GRIPAP1: variants seen among roughly 807,000 people sequenced by gnomAD.
GRIPAP1 encodes the protein GRIP1 associated protein 1, also known as GRIP1-associated protein 1.
In GRIPAP1, 14 loss-of-function variants were observed where a neutral mutation model predicts 84.1. The ratio of observed to expected loss-of-function variants is 0.17; its 90% CI spans 0.11 to 0.26. GRIPAP1 has a LOEUF of 0.26. Ranked by LOEUF, GRIPAP1 falls within the 10% of genes least tolerant of loss-of-function variation. The pLI is 1.00. For missense variants in GRIPAP1, 518 were observed against 674.2 expected, an observed-to-expected ratio of 0.77 and a Z score of 2.57; for synonymous variants, 261 against 256.8, an observed-to-expected ratio of 1.02 and a Z score of -0.15.
In GRIPAP1 at chrX:48,983,773, A is replaced by G. The variant is rs782676872; in HGVS notation, c.1272+2T>C. ...CTCCCTTCAACCCTCATGTTCCCCTACCTTCCGAGCCTCCTGTAATTCCTG... is the reference window on the plus strand; with the variant it reads ...CTCCCTTCAACCCTCATGTTCCCCTGCCTTCCGAGCCTCCTGTAATTCCTG... On this transcript the variant is annotated splice_donor_variant, in intron 15 of 25. Transcript: ENST00000376423. LOFTEE classifies it high-confidence loss of function. 1.8e-6 allele frequency: 2 copies of G among 1,112,925 alleles called. No homozygotes were observed. Among genetic ancestry groups the G allele is most frequent in the African/African-American group, 3.7e-5 (2 of 54,072 alleles). 91.7% of individuals were successfully genotyped at this position (1,112,925 alleles called of 1,213,427 possible).
chrX:48,979,449 C>T (rs1557061445), intron 21 of GRIPAP1, among the ~76,000 whole-genome samples: 3 of 62,264 alleles, frequency 4.8e-5, no homozygotes, highest in African/African-American at 6.8e-5. Flanking sequence ...TGCACTCCAG[C>T]CTGGGCGACA....
chrX:48,980,225 TTGTGTGTGTGTGTGTGTGTG>T (rs781796368), intron 21 of GRIPAP1, among the ~76,000 whole-genome samples: 6 of 90,547 alleles, frequency 6.6e-5, no homozygotes, highest in Non-Finnish European at 8.7e-5. Context: ...GCAACTAAAG[TTGTGTGTGTGTGTGTGTGTG>T]TGTGTGTGTG....
chrX:48,976,185 C>T (rs1557060425), intron 23 of GRIPAP1, 56 bp downstream of exon 23: 1 of 1,185,084 alleles, frequency 8.4e-7, no homozygotes, highest in East Asian at 3.1e-5. Flanking sequence ...CGGGCAGACC[C>T]CACACCCACA....
At chrX:49,000,835 C>A (rs1403284136) in intron 1 of GRIPAP1, 1 of 110,832 alleles carries the variant, frequency 9.0e-6, no homozygotes, top group African/African-American at 3.3e-5. Context: ...TTTTCCCTCC[C>A]TCCCACGCCA....
chrX:49,000,222 G>A (rs1016332699), intron 1 of GRIPAP1, among the ~76,000 whole-genome samples: 5 of 108,114 alleles, frequency 4.6e-5, no homozygotes, highest in East Asian at 2.9e-4. Flanking sequence ...AAAATTAGCC[G>A]GGTGTGGTGG....
chrX:48,986,836 G>T (rs2064490766), intron 13 of GRIPAP1, among the ~76,000 whole-genome samples: 1 of 102,616 alleles, frequency 9.7e-6, no homozygotes, highest in Admixed American at 1.0e-4. Context: ...CGGCCAATAA[G>T]TTTTTTTTCG....
chrX:48,982,536 C>T (rs141854617), intron 17 of GRIPAP1, among the ~76,000 whole-genome samples: 1 of 111,942 alleles, frequency 8.9e-6, no homozygotes, highest in Non-Finnish European at 1.9e-5. Context: ...CCACCATGCC[C>T]GGCTAATTTT....
intron 3 of GRIPAP1, among the ~76,000 whole-genome samples, chrX:48,998,452 G>A (rs2064559441): frequency 8.9e-6 from 1 of 111,890 alleles, no homozygotes; most frequent in Non-Finnish European, 1.9e-5. Context: ...GGCTGGTGGG[G>A]GGACAGGGGA....
At chrX:48,975,901 C>A (rs1557060301) in intron 24 of GRIPAP1, 117 bp downstream of exon 24, 3 of 571,232 alleles carry the variant, frequency 5.3e-6, no homozygotes, top group Middle Eastern at 5.2e-4. Flanking sequence ...AGGCCATGGT[C>A]TTGTCAGTAG....
chrX:48,978,465 C>A (rs2064435287), intron 21 of GRIPAP1, 30 bp from the exon 22 acceptor site: 1 of 1,154,639 alleles, frequency 8.7e-7, no homozygotes, highest in South Asian at 2.0e-5. Flanking sequence ...GAAACTTGAG[C>A]CCCAATACCC....
intron 3 of GRIPAP1, chrX:48,998,968 G>A (rs1413595602): frequency 2.9e-6 from 1 of 346,206 alleles, no homozygotes; most frequent in African/African-American, 2.6e-5. Flanking sequence ...TGATAGATTT[G>A]AATATTTAAT....
Position 48,974,270 on chromosome X carries a change from A to C in GRIPAP1, c.2449T>G (p.Ser817Ala), listed in dbSNP as rs1557059792. Residue 817 changes from serine (S) to alanine (A), a missense_variant, in exon 26 of 26, where the codon TCC becomes GCC. By Grantham distance (99) the Ser-to-Ala change is moderately conservative (BLOSUM62 1). Transcript: ENST00000376423. ...MHLHKDMEVL[S>A]QEIVRLSKEC... ...TTGCTGAGCCGCACAATTTCCTGGG[A>C]CAGAACTTCCATATCCTAAGAAACA... 1 of 1,199,535 alleles carries C rather than the reference A, an allele frequency of 8.3e-7. No homozygotes were observed. The highest frequency in any genetic ancestry group is 1.1e-6 in the Non-Finnish European group (1 of 884,577).
In GRIPAP1 at chrX:48,991,045, G is replaced by T; in HGVS notation, c.523C>A (p.Pro175Thr). The T allele has an allele frequency of 8.3e-7, 1 of 1,200,835 alleles. No homozygotes were observed. Among genetic ancestry groups the T allele is most frequent in the South Asian group, 1.8e-5 (1 of 56,636 alleles). Residue 175 changes from proline (P) to threonine (T), a missense_variant, in exon 7 of 26, where the codon CCC (proline) becomes ACC (threonine). Pro to Thr is a conservative substitution (Grantham distance 38). Around this residue, in one of 5 missense-constraint regions of GRIPAP1, gnomAD observed 372 missense variants for 458.1 expected, o/e 0.81. Coordinates refer to ENST00000376423, the MANE Select transcript of GRIPAP1 (RefSeq NM_020137.5). ...FSAVSEGQGD[P>T]PGGLAPTVLA... is the part of the protein sequence containing the mutation. ...ACGGTGGGGGCCAGGCCCCCTGGGG[G>T]ATCCCCCTGGCCCTCACTGACAGCT...
At chrX:48,998,102 T>G (rs1230679441) in intron 4 of GRIPAP1, 52 bp downstream of exon 4, 4 of 956,541 alleles carry the variant, frequency 4.2e-6, no homozygotes, top group Non-Finnish European at 6.0e-6. Context: ...CATACAGAAA[T>G]AGCCCACCAA....
intron 17 of GRIPAP1, 27 bp downstream of exon 17, chrX:48,982,952 G>A: frequency 2.0e-6 from 2 of 1,011,352 alleles, no homozygotes; most frequent in Non-Finnish European, 2.8e-6. Flanking sequence ...ATCAGCCTCT[G>A]TTCCTCACCA....
chrX:48,982,666 G>A (rs2064464162), intron 17 of GRIPAP1, among the ~76,000 whole-genome samples: 3 of 112,694 alleles, frequency 2.7e-5, no homozygotes, highest in Non-Finnish European at 5.6e-5. Context: ...GTGAGCCACC[G>A]CACCCAGCAG....
intron 4 of GRIPAP1, among the ~76,000 whole-genome samples, chrX:48,997,709 CAG>C (rs782720971): frequency 2.5e-4 from 26 of 105,959 alleles, no homozygotes; most frequent in African/African-American, 8.7e-4. Context: ...GAAGAACAAA[CAG>C]AAATCAACAG....
Position 48,982,965 on chromosome X carries a change from C to A in GRIPAP1, c.1599+14G>T. 1.8e-6 allele frequency: 2 copies of A among 1,087,067 alleles called. No individual in the cohort carries two copies. The highest frequency in any genetic ancestry group is 3.6e-5 in the African/African-American group (2 of 55,546). The allele number at this position is 1,087,067 out of a possible 1,213,427, so 89.6% of individuals were successfully genotyped here. A position where few individuals can be genotyped will look rare whatever the true frequency, so the allele number is the denominator to read the frequency against. On this transcript the variant is annotated intron_variant, in intron 17 of 25. Coordinates refer to ENST00000376423, the MANE Select transcript of GRIPAP1 (RefSeq NM_020137.5). ...CAATCAGCCTCTGTTCCTCACCAGG[C>A]ATCACCAACTCACCTCGGCTTCCTT... is the stretch of plus-strand genomic sequence containing the variant.
chrX:48,999,302 G>A lies in GRIPAP1; in HGVS notation c.110-3C>T, dbSNP rs782374292. On this transcript the variant is annotated splice_polypyrimidine_tract_variant and splice_region_variant and intron_variant, in intron 2 of 25. Coordinates refer to ENST00000376423, the MANE Select transcript of GRIPAP1 (RefSeq NM_020137.5). The stretch of plus-strand genomic sequence containing the variant: ...CTTCTGTCGAAGACTGGTGAGTTCT[G>A]GTGTCGGGAAAGCAGGGAAACTCAG... The A allele has an allele frequency of 1.7e-6, 2 of 1,204,585 alleles. No homozygotes were observed. Among genetic ancestry groups the A allele is most frequent in the Admixed American group, 4.4e-5 (2 of 45,967 alleles).
Sources: gnomAD v4.1 joint callset for allele counts (sites outside exome capture counted in the v4.1 genomes callset) on GRCh38, gnomAD v4.1.1 for gene constraint, gnomAD v4.1.1 regional missense constraint, MANE v1.5 for transcripts, NCBI Gene and HGNC (gene_info 2026-07-23, HGNC 2026-07-21) for gene names.